The following TCF3 variants were observed in gnomAD, a reference collection of about 807,000 sequenced individuals.
TCF3 encodes transcription factor 3.
Under a neutral mutation model 72.3 loss-of-function variants are expected in TCF3, and 54 were observed. The observed-to-expected ratio is 0.75, with a 90% confidence interval of 0.60 to 0.94. The LOEUF (loss-of-function observed/expected upper bound fraction) is 0.94. Ranked by LOEUF, TCF3 falls within the 40% of genes least tolerant of loss-of-function variation. The pLI, the probability that TCF3 is intolerant of heterozygous loss-of-function variation, is 0.00. For synonymous variants in TCF3, 525 were observed against 412.6 expected, an observed-to-expected ratio of 1.27 and a Z score of -3.30; for missense variants, 1,078 against 934.4, an observed-to-expected ratio of 1.15 and a Z score of -2.00.
chr19:1,636,617 G>C (rs1183480617), intron 3 of TCF3, among the ~76,000 whole-genome samples: 1 of 152,146 alleles, frequency 6.6e-6, no homozygotes, highest in Non-Finnish European at 1.5e-5. Context: ...CAAGCTATGG[G>C]AGAAGATGAA....
rs1471690909 is a variant in TCF3, at chr19:1,614,689, C to CG, written c.1822+595dup. On this transcript the variant is annotated intron_variant, in intron 18 of 18. Transcript: ENST00000262965. The surrounding 1 kb of genome is among the most constrained non-coding windows in gnomAD (Gnocchi z 5.6). ...TTAAGGAAGCAGCCGCCAGCGCCAG[C>CG]GGGGGGAAGGAGTCAGCTCACATCT... Among the ~76,000 whole-genome samples, 2 of 152,046 alleles carry CG rather than the reference C, an allele frequency of 1.3e-5. No individual in the cohort carries two copies. The highest frequency in any genetic ancestry group is 2.9e-5 in the Non-Finnish European group (2 of 67,994).
chr19:1,650,417 CAGAGCCCTGGGGGCACGG>C (rs1320461411), intron 1 of TCF3, 130 bp from the exon 2 acceptor site: 1 of 666,782 alleles, frequency 1.5e-6, no homozygotes, highest in Non-Finnish European at 2.5e-6. Flanking sequence ...TGAGTTCCAG[CAGAGCCCTGGGGGCACGG>C]GGAGCCCTGG....
chr19:1,609,366 G>A lies in TCF3; in HGVS notation c.*2341C>T, dbSNP rs1302831187. ...CAGGTCTCTGAATCCACCTGAAAGA[G>A]GGTCGTTTTAAAGTCCCAATCATCC... is the stretch of plus-strand genomic sequence containing the variant. On this transcript the variant is annotated 3_prime_UTR_variant, in exon 19 of 19. Transcript: ENST00000262965. 2 of 202,376 alleles carry A rather than the reference G, an allele frequency of 9.9e-6. No individual in the cohort carries two copies. Among genetic ancestry groups the A allele is most frequent in the Non-Finnish European group, 2.0e-5 (2 of 98,644 alleles). 12.5% of individuals were successfully genotyped at this position (202,376 alleles called of 1,614,324 possible). A position where few individuals can be genotyped will look rare whatever the true frequency, so the allele number is the denominator to read the frequency against.
Position 1,631,970 on chromosome 19 carries a change from G to C in TCF3, c.298+68C>G, listed in dbSNP as rs748910694. ...ACTTGCCTGGCGCTGTGCGTGCACTGACCATGCCAAGGCCCACGTCTGCAC... is the reference window on the plus strand; with the variant it reads ...ACTTGCCTGGCGCTGTGCGTGCACTCACCATGCCAAGGCCCACGTCTGCAC... On this transcript the variant is annotated intron_variant, in intron 5 of 18. Transcript: ENST00000262965. 3 of 1,575,012 alleles carry C rather than the reference G, an allele frequency of 1.9e-6. No homozygotes were observed. The Admixed American group carries it at 5.5e-5, about 29-fold the overall frequency.
chr19:1,642,252 A>T (rs995728796), intron 3 of TCF3, among the ~76,000 whole-genome samples: 1 of 151,546 alleles, frequency 6.6e-6, no homozygotes, highest in Non-Finnish European at 1.5e-5. Context: ...ACGCACACAC[A>T]CGTGCGCACA....
intron 3 of TCF3, among the ~76,000 whole-genome samples, chr19:1,636,364 T>C (rs1335192005): frequency 6.6e-6 from 1 of 152,172 alleles, no homozygotes; most frequent in Non-Finnish European, 1.5e-5. Flanking sequence ...TTCATACATG[T>C]TGGCCAGGCT....
chr19:1,615,305 T>C lies in TCF3; in HGVS notation c.1802A>G (p.Asn601Ser). 6.2e-7 allele frequency: 1 copy of C among 1,600,102 alleles called. No individual in the cohort carries two copies. Among genetic ancestry groups the C allele is most frequent in the Non-Finnish European group, 8.6e-7 (1 of 1,169,212 alleles). Residue 601 changes from asparagine (N) to serine (S), a missense_variant, in exon 18 of 19, where the codon AAC (asparagine) becomes AGC (serine). Asn to Ser is a conservative substitution (Grantham distance 46, BLOSUM62 1). Coordinates refer to ENST00000262965, the MANE Select transcript of TCF3 (RefSeq NM_003200.5). The surrounding 1 kb of genome is among the most constrained non-coding windows in gnomAD (Gnocchi z 7.3). ...CTGACCTCGCACTTGCTGCTCCAAG[T>C]TCAGGATGACCGAGACAGCCTGGTG... ...ILHQAVSVIL[N>S]LEQQVRERNL...
At chr19:1,639,866 G>A (rs1318739149) in intron 3 of TCF3, among the ~76,000 whole-genome samples, 1 of 151,946 alleles carries the variant, frequency 6.6e-6, no homozygotes, top group African/African-American at 2.4e-5. Context: ...CACACTGATG[G>A]AACAGAAGAG....
chr19:1,648,826 G>A (rs55939322), intron 2 of TCF3, among the ~76,000 whole-genome samples: 4 of 147,292 alleles, frequency 2.7e-5, no homozygotes, highest in African/African-American at 9.9e-5. Context: ...ATGGGGGGGG[G>A]GGGGGAGCAG....
chr19:1,624,171 G>A (rs1218964076), intron 7 of TCF3, among the ~76,000 whole-genome samples, 171 bp from the exon 8 acceptor site: 1 of 152,190 alleles, frequency 6.6e-6, no homozygotes, highest in Non-Finnish European at 1.5e-5. Flanking sequence ...GCCAAGGCAG[G>A]CAGATCACGA....
At chr19:1,622,671 G>A (rs1018861040) in intron 8 of TCF3, among the ~76,000 whole-genome samples, 1 of 152,086 alleles carries the variant, frequency 6.6e-6, no homozygotes, top group Admixed American at 6.5e-5. Flanking sequence ...TTGTACTTGA[G>A]GACTTGGATC....
At chr19:1,619,082 G>A (rs748104436) in intron 16 of TCF3, 29 bp downstream of exon 16, 3 of 1,598,876 alleles carry the variant, frequency 1.9e-6, no homozygotes, top group East Asian at 2.2e-5. Context: ...GGAACCAGGA[G>A]TCGGACAGTC....
At chr19:1,624,537 C>T (rs1024158528) in intron 7 of TCF3, among the ~76,000 whole-genome samples, 3 of 152,242 alleles carry the variant, frequency 2.0e-5, no homozygotes, top group Non-Finnish European at 4.4e-5. Context: ...TAAGCCAAGG[C>T]TCTGCTGAGA....
intron 3 of TCF3, among the ~76,000 whole-genome samples, chr19:1,636,008 A>G (rs554953519): frequency 6.6e-6 from 1 of 152,280 alleles, no homozygotes; most frequent in East Asian, 1.9e-4. Context: ...CCCCGATGGC[A>G]GCCTGTCCCA....
intron 3 of TCF3, among the ~76,000 whole-genome samples, chr19:1,643,758 TTA>T (rs1204165093): frequency 6.6e-6 from 1 of 152,226 alleles, no homozygotes; most frequent in Admixed American, 6.5e-5. Flanking sequence ...AGGGGAAAAC[TTA>T]TGTTTAATTA....
intron 3 of TCF3, among the ~76,000 whole-genome samples, chr19:1,642,272 ACACG>A (rs1482770569): frequency 6.6e-6 from 1 of 151,402 alleles, no homozygotes; most frequent in Non-Finnish European, 1.5e-5. Context: ...ACACGCACGC[ACACG>A]CACAGACGCG....
chr19:1,616,919 A>C (rs2061605657), intron 16 of TCF3, among the ~76,000 whole-genome samples: 2 of 152,230 alleles, frequency 1.3e-5, no homozygotes, highest in African/African-American at 2.4e-5. Context: ...CCAGGAGGTG[A>C]TCTCCCACAA....
intron 3 of TCF3, among the ~76,000 whole-genome samples, chr19:1,640,799 G>A (rs2065125207): frequency 6.8e-6 from 1 of 146,796 alleles, no homozygotes; most frequent in African/African-American, 2.5e-5. Context: ...GCATGACTCC[G>A]TCTCAAAAAA....
Position 1,614,730 on chromosome 19 carries a change from G to T in TCF3, c.1822+555C>A, listed in dbSNP as rs1193864822. Reference sequence around the variant, plus strand: ...GCTCACATCTGCGGGTGGGGACAGGGTCTGTCTGTATCCTTCCTCCCCCTG... The same window carrying T: ...GCTCACATCTGCGGGTGGGGACAGGTTCTGTCTGTATCCTTCCTCCCCCTG... On this transcript the variant is annotated intron_variant, in intron 18 of 18. Transcript: ENST00000262965. This position sits in a 1 kb window ranked among gnomAD's most constrained non-coding sequence, Gnocchi z 5.6. Among the ~76,000 whole-genome samples, 3 of 152,128 alleles carry T rather than the reference G, an allele frequency of 2.0e-5. No homozygotes were observed. The highest frequency in any genetic ancestry group is 2.9e-5 in the Non-Finnish European group (2 of 68,014).
Sources: allele counts gnomAD v4.1 joint callset (sites outside exome capture counted in the v4.1 genomes callset), GRCh38; gene constraint gnomAD v4.1.1; non-coding constraint Gnocchi (gnomAD v3.1); transcripts MANE v1.5; gene names NCBI Gene and HGNC (gene_info 2026-07-23, HGNC 2026-07-21).